Variants in TUT7 observed in about 807,000 individuals in gnomAD.
TUT7 encodes terminal uridylyl transferase 7.
TUT7 carries 33 observed loss-of-function variants against 165.9 expected under a neutral mutation model. The ratio of observed to expected loss-of-function variants is 0.20; its 90% CI spans 0.15 to 0.27. The LOEUF is 0.27. Ranked by LOEUF, TUT7 falls within the 10% of genes least tolerant of loss-of-function variation. The probability of loss-of-function intolerance (pLI) is 1.00; values close to 1 mark genes in which losing one functional copy is unlikely to be tolerated. For synonymous variants in TUT7, 552 were observed against 608.1 expected (o/e 0.91, Z 1.36); for missense variants, 1,338 against 1,762.3 (o/e 0.76, Z 4.31).
Position 86,323,950 on chromosome 9 carries a change from A to T in TUT7, c.1800T>A (p.Ser600=). ...KKRIAIEDPY[S]VKRNVARTLN... is the part of the protein sequence containing the mutation. ...GGGTTCTTGCCACATTTCTTTTAACAGAGTAGGGATCTGTAATAAAAAAAA... is the reference window on the plus strand; with the variant it reads ...GGGTTCTTGCCACATTTCTTTTAACTGAGTAGGGATCTGTAATAAAAAAAA... The change falls in exon 13 of 27, where the codon TCT becomes TCA. Residue 600 remains serine, a synonymous_variant. Coordinates refer to ENST00000375963, the MANE Select transcript of TUT7 (RefSeq NM_024617.4). 6.4e-7 allele frequency: 1 copy of T among 1,562,102 alleles called. No homozygotes were observed. The highest frequency in any genetic ancestry group is 8.7e-7 in the Non-Finnish European group (1 of 1,152,664).
intron 18 of TUT7, 72 bp downstream of exon 18, chr9:86,310,634 C>G: frequency 1.3e-6 from 1 of 783,724 alleles, no homozygotes; most frequent in Middle Eastern, 2.3e-4. Flanking sequence ...ACTTCTTTAA[C>G]TTGAGGTTTT....
At chr9:86,340,574 A>G (rs1287722333) in intron 7 of TUT7, among the ~76,000 whole-genome samples, 1 of 152,242 alleles carries the variant, frequency 6.6e-6, no homozygotes, top group Admixed American at 6.5e-5. Flanking sequence ...CAAGCTGGAC[A>G]TTGTATTAGA....
chr9:86,328,319 T>C (rs910741366), intron 11 of TUT7, 21 bp downstream of exon 11: 18 of 1,542,872 alleles, frequency 1.2e-5, no homozygotes, highest in Non-Finnish European at 1.5e-5. Flanking sequence ...AACTGACAAC[T>C]AGAAACAAAA....
Position 86,301,723 on chromosome 9 carries a change from A to G in TUT7, c.4095-122T>C, listed in dbSNP as rs527325665. 4 of 1,485,722 alleles carry G rather than the reference A, an allele frequency of 2.7e-6. No homozygotes were observed. The African/African-American group carries it at 4.2e-5, about 16-fold the overall frequency. 92.0% of individuals were successfully genotyped at this position (1,485,722 alleles called of 1,614,324 possible). A position where few individuals can be genotyped will look rare whatever the true frequency, so the allele number is the denominator to read the frequency against. ...AGATGACCAGGAATAGAAAGTATTA[A>G]AAGGAAAAGCAAGAACCTAAATGAA... On this transcript the variant is annotated intron_variant, in intron 25 of 26. Transcript: ENST00000375963.
Position 86,322,392 on chromosome 9 carries a change from T to C in TUT7, c.2961A>G (p.Leu987=). Residue 987 remains leucine, a synonymous_variant, in exon 14 of 27, where the codon CTA becomes CTG. Coordinates refer to ENST00000375963, the MANE Select transcript of TUT7 (RefSeq NM_024617.4). ...TGGGTGTTAATGGTGGCAGAGGTTC[T>C]AGCTGGATTCTTTTGAAGTCTTCAG... ...DCPEDFKRIQ[L]EPLPPLTPKF... is the part of the protein sequence containing the mutation. 6.2e-7 allele frequency: 1 copy of C among 1,614,184 alleles called. No homozygotes were observed. Among genetic ancestry groups the C allele is most frequent in the Non-Finnish European group, 8.5e-7 (1 of 1,180,006 alleles).
At chr9:86,336,860 G>A (rs1465439084) in intron 10 of TUT7, 1 of 152,296 alleles carries the variant, frequency 6.6e-6, no homozygotes, top group Non-Finnish European at 1.5e-5. Flanking sequence ...GAAAGAAAGA[G>A]TGATCACATG....
intron 17 of TUT7, 141 bp downstream of exon 17, chr9:86,317,077 AT>A: frequency 1.1e-5 from 7 of 649,178 alleles, no homozygotes; most frequent in Admixed American, 2.9e-5. Context: ...GCATCTAAGG[AT>A]TTTTTTTATC....
intron 14 of TUT7, among the ~76,000 whole-genome samples, chr9:86,322,070 T>G (rs1829351873): frequency 6.6e-6 from 1 of 152,104 alleles, no homozygotes; most frequent in Non-Finnish European, 1.5e-5. Flanking sequence ...AATGAGATCC[T>G]GTCTCAAAAT....
chr9:86,352,781 T>C lies in TUT7; in HGVS notation c.419A>G (p.Tyr140Cys). Residue 140 changes from tyrosine (Y) to cysteine (C), a missense_variant, in exon 2 of 27, where the codon TAT becomes TGT. Coordinates refer to ENST00000375963, the MANE Select transcript of TUT7 (RefSeq NM_024617.4). ...KDSFQENEDGYRWQDTRGCRT... is the reference protein window; with the variant it reads ...KDSFQENEDGCRWQDTRGCRT... ...GCAGCCTCTTGTGTCTTGCCACCTA[T>C]AACCATCTTCATTTTCTTGAAAGGA... is the stretch of plus-strand genomic sequence containing the variant. 4 of 1,614,206 alleles carry C rather than the reference T, an allele frequency of 2.5e-6. No homozygotes were observed. Among genetic ancestry groups the C allele is most frequent in the Non-Finnish European group, 3.4e-6 (4 of 1,180,042 alleles).
At chr9:86,341,101 G>T (rs763157561) in intron 6 of TUT7, 48 bp from the exon 7 acceptor site, 2 of 1,520,220 alleles carry the variant, frequency 1.3e-6, no homozygotes. Flanking sequence ...AAGTGATTTT[G>T]CTTCACTGAT....
chr9:86,335,765 C>G (rs1269116737), intron 10 of TUT7, among the ~76,000 whole-genome samples: 1 of 152,158 alleles, frequency 6.6e-6, no homozygotes, highest in African/African-American at 2.4e-5. Flanking sequence ...CACTTCCTAA[C>G]TAGTTTAAAA....
Position 86,323,540 on chromosome 9 carries a change from T to C in TUT7, c.2210A>G (p.Lys737Arg). The change falls in exon 13 of 27, where the codon AAG (lysine) becomes AGG (arginine). Residue 737 changes from lysine to arginine, a missense_variant. Physicochemically the swap from Lys to Arg is conservative, Grantham distance 26. Transcript: ENST00000375963. ...IQADVNSDDYKGDKVYHPETG... is the reference protein window; with the variant it reads ...IQADVNSDDYRGDKVYHPETG... ...TTCTGGATGGTATACTTTATCACCCTTGTAATCATCAGAGTTAACATCTGC... is the reference window on the plus strand; with the variant it reads ...TTCTGGATGGTATACTTTATCACCCCTGTAATCATCAGAGTTAACATCTGC... The C allele has an allele frequency of 6.2e-7, 1 of 1,614,242 alleles. No individual in the cohort carries two copies. Among genetic ancestry groups the C allele is most frequent in the Non-Finnish European group, 8.5e-7 (1 of 1,180,034 alleles).
chr9:86,317,555 T>C (rs941276137), intron 16 of TUT7, among the ~76,000 whole-genome samples: 6 of 152,200 alleles, frequency 3.9e-5, no homozygotes, highest in Non-Finnish European at 2.9e-5. Flanking sequence ...AAAAAGTCTC[T>C]GAACCATGGT....
intron 25 of TUT7, among the ~76,000 whole-genome samples, chr9:86,302,578 A>G (rs1284579177): frequency 6.6e-6 from 1 of 151,568 alleles, no homozygotes; most frequent in East Asian, 1.9e-4. Context: ...TTGGCCTCCC[A>G]AAGTGCTGGG....
At chr9:86,309,022 G>T (rs547877928) in intron 21 of TUT7, among the ~76,000 whole-genome samples, 190 bp downstream of exon 21, 1 of 152,220 alleles carries the variant, frequency 6.6e-6, no homozygotes, top group East Asian at 1.9e-4. Context: ...CTGGATATAG[G>T]CCCTAGAAAT....
At chr9:86,309,091 T>C in intron 21 of TUT7, 121 bp downstream of exon 21, 1 of 620,478 alleles carries the variant, frequency 1.6e-6, no homozygotes, top group Non-Finnish European at 2.8e-6. Flanking sequence ...ACACTATTTT[T>C]TTTACTATCA....
At chr9:86,293,992 C>T (rs771699689) in intron 26 of TUT7, among the ~76,000 whole-genome samples, 6 of 152,162 alleles carry the variant, frequency 3.9e-5, no homozygotes, top group Non-Finnish European at 7.3e-5. Context: ...GTGATCCACC[C>T]GCCTCGGTGT....
At chr9:86,312,541 G>A (rs1176730567) in intron 17 of TUT7, among the ~76,000 whole-genome samples, 6 of 151,006 alleles carry the variant, frequency 4.0e-5, no homozygotes, top group Admixed American at 1.3e-4. Flanking sequence ...GGTGAGGGGC[G>A]CCTCTGCCCG....
chr9:86,337,024 T>C (rs947901410), intron 10 of TUT7: 1 of 158,342 alleles, frequency 6.3e-6, no homozygotes, highest in Non-Finnish European at 1.4e-5. Flanking sequence ...GAAAGTAAGT[T>C]ACAGTGAACC....
Sources: allele counts gnomAD v4.1 joint callset (sites outside exome capture counted in the v4.1 genomes callset), GRCh38; gene constraint gnomAD v4.1.1; transcripts MANE v1.5; gene names NCBI Gene and HGNC (gene_info 2026-07-23, HGNC 2026-07-21).